WDPCP: variants seen among roughly 807,000 people sequenced by gnomAD.
The protein encoded by WDPCP is WD repeat containing planar cell polarity effector.
A neutral mutation model predicts 93.1 loss-of-function variants in WDPCP; 71 were observed. The ratio of observed to expected loss-of-function variants is 0.76; its 90% CI spans 0.63 to 0.93. WDPCP has a LOEUF of 0.93. Ranked by LOEUF, WDPCP falls within the 40% of genes least tolerant of loss-of-function variation. WDPCP has a pLI of 0.00. For missense variants in WDPCP, 844 were observed against 887.4 expected (o/e 0.95, Z 0.62); for synonymous variants, 315 against 315.0 (o/e 1.00, Z 0.00).
intron 12 of WDPCP, among the ~76,000 whole-genome samples, chr2:63,317,495 G>A (rs1367124153): frequency 6.6e-6 from 1 of 151,716 alleles, no homozygotes; most frequent in East Asian, 1.9e-4. Flanking sequence ...GGAGGCATCA[G>A]GTTATGCACT....
At chr2:63,624,942 A>T (rs912396771) in intron 3 of WDPCP, among the ~76,000 whole-genome samples, 5 of 152,246 alleles carry the variant, frequency 3.3e-5, no homozygotes, top group Non-Finnish European at 5.9e-5. Flanking sequence ...CAATACTGGC[A>T]AACCAAATCC....
At chr2:63,167,675 TGTAAATAGTCCATGAATTCTTAGGAA>T (rs1673084288) in intron 15 of WDPCP, among the ~76,000 whole-genome samples, 1 of 152,254 alleles carries the variant, frequency 6.6e-6, no homozygotes, top group Non-Finnish European at 1.5e-5. Context: ...ATACCTTTTT[TGTAAATAGTCCATGAATTCTTAGGAA>T]GAAAACTTAT....
chr2:63,750,743 GT>G (rs201225917), intron 2 of WDPCP, among the ~76,000 whole-genome samples: 4 of 151,794 alleles, frequency 2.6e-5, no homozygotes, highest in African/African-American at 7.3e-5. Context: ...ATGATCTTAT[GT>G]TTTTTTTCTT....
Position 63,721,239 on chromosome 2 carries a change from G to A in WDPCP, n.309-70401C>T, listed in dbSNP as rs115628471. 5.7e-3 allele frequency among the ~76,000 whole-genome samples: 876 copies of A among 152,352 alleles called. 13 individuals are homozygous for A. Among genetic ancestry groups the A allele is most frequent in the African/African-American group, 0.019 (805 of 41,582 alleles). On this transcript the variant is annotated intron_variant and non_coding_transcript_variant, in intron 2 of 4. Transcript: ENST00000467687. ...GCAAATCTACAAAATGACAGTGAGC[G>A]TTCTTGATCTGTCCACTTCAGAGTG...
intron 2 of WDPCP, among the ~76,000 whole-genome samples, chr2:63,802,100 A>AT (rs1362746827): frequency 1.3e-5 from 2 of 151,962 alleles, no homozygotes; most frequent in African/African-American, 2.4e-5. Flanking sequence ...CATCTCCTCT[A>AT]TTTTTTCTGA....
At chr2:63,751,294 A>G (rs1275670612) in intron 2 of WDPCP, among the ~76,000 whole-genome samples, 1 of 152,158 alleles carries the variant, frequency 6.6e-6, no homozygotes, top group Non-Finnish European at 1.5e-5. Flanking sequence ...TAGAGTTTAT[A>G]GTGATAACCT....
At chr2:63,750,996 C>G (rs920431699) in intron 2 of WDPCP, among the ~76,000 whole-genome samples, 19 of 152,068 alleles carry the variant, frequency 1.2e-4, no homozygotes, top group Admixed American at 3.3e-4. Context: ...CACGAACAAG[C>G]AGGAAAGTGT....
At chr2:63,624,720 G>T (rs999736658) in intron 3 of WDPCP, among the ~76,000 whole-genome samples, 1 of 152,152 alleles carries the variant, frequency 6.6e-6, no homozygotes, top group Non-Finnish European at 1.5e-5. Flanking sequence ...CCCAGAACCA[G>T]ATGGATTCAC....
intron 5 of WDPCP, 24 bp downstream of exon 5, chr2:63,484,893 T>C (rs1700474018): frequency 3.7e-6 from 6 of 1,610,992 alleles, no homozygotes; most frequent in South Asian, 3.3e-5. Flanking sequence ...TTTGTTGCCA[T>C]TTTTGAAACT....
chr2:63,807,794 G>A lies in WDPCP; in HGVS notation n.308+5828C>T, dbSNP rs1228344565. 7.9e-5 allele frequency among the ~76,000 whole-genome samples: 12 copies of A among 152,108 alleles called. 1 individual carries two copies. The highest frequency in any genetic ancestry group is 7.9e-4 in the Admixed American group (12 of 15,268). On this transcript the variant is annotated intron_variant and non_coding_transcript_variant, in intron 2 of 4. Transcript: ENST00000467687. ...TTGAAGGAAGGAATACTAAATACAA[G>A]ACTGTTCTGTATGAAAGAACTTGAA...
chr2:63,541,691 T>A (rs948645660), intron 1 of WDPCP, among the ~76,000 whole-genome samples: 1 of 152,188 alleles, frequency 6.6e-6, no homozygotes. Context: ...ATAAGAGTCA[T>A]GTAAAAGCCA....
intron 3 of WDPCP, among the ~76,000 whole-genome samples, chr2:63,638,592 C>T (rs577506220): frequency 3.9e-5 from 6 of 151,992 alleles, no homozygotes; most frequent in African/African-American, 1.4e-4. Flanking sequence ...GATTATGAGA[C>T]CAGTCTGGGC....
At chr2:63,241,101 A>T (rs1679824121) in intron 14 of WDPCP, among the ~76,000 whole-genome samples, 1 of 152,240 alleles carries the variant, frequency 6.6e-6, no homozygotes, top group Admixed American at 6.5e-5. Flanking sequence ...CCACAAAGAA[A>T]GGAACAAAGG....
chr2:63,698,181 C>G (rs1303109645), intron 2 of WDPCP, among the ~76,000 whole-genome samples: 1 of 151,320 alleles, frequency 6.6e-6, no homozygotes. Flanking sequence ...GTCTCAAACT[C>G]CTGACCTCAG....
chr2:63,241,307 C>A (rs1679839352), intron 14 of WDPCP, among the ~76,000 whole-genome samples: 1 of 152,076 alleles, frequency 6.6e-6, no homozygotes, highest in Admixed American at 6.6e-5. Context: ...AAACTGACAT[C>A]ATTACATAAT....
chr2:63,470,659 C>T (rs1699638088), intron 6 of WDPCP, among the ~76,000 whole-genome samples: 1 of 152,178 alleles, frequency 6.6e-6, no homozygotes, highest in South Asian at 2.1e-4. Flanking sequence ...CTACAGTGAT[C>T]CAATTAAAAA....
At chr2:63,526,532 C>G (rs1703351335) in intron 1 of WDPCP, among the ~76,000 whole-genome samples, 1 of 152,174 alleles carries the variant, frequency 6.6e-6, no homozygotes, top group Non-Finnish European at 1.5e-5. Context: ...CATGACCTAC[C>G]TTTCCAAATT....
At chr2:63,614,178 T>G (rs1014946133) in intron 3 of WDPCP, among the ~76,000 whole-genome samples, 2 of 152,136 alleles carry the variant, frequency 1.3e-5, no homozygotes, top group African/African-American at 4.8e-5. Context: ...CCCCTCAAAA[T>G]TGCCCACATC....
At chr2:63,728,830 T>G (rs991227514) in intron 2 of WDPCP, among the ~76,000 whole-genome samples, 1 of 152,172 alleles carries the variant, frequency 6.6e-6, no homozygotes, top group Non-Finnish European at 1.5e-5. Flanking sequence ...ATATACAGTC[T>G]CATGAACATG....
Sources: allele counts gnomAD v4.1 joint callset (sites outside exome capture counted in the v4.1 genomes callset), GRCh38; gene constraint gnomAD v4.1.1; transcripts MANE v1.5; gene names NCBI Gene and HGNC (gene_info 2026-07-23, HGNC 2026-07-21).